NELL2: variants seen among roughly 807,000 people sequenced by gnomAD.
NELL2 encodes neural EGFL like 2.
A neutral mutation model predicts 109.6 loss-of-function variants in NELL2; 41 were observed. The observed-to-expected ratio is 0.37, with a 90% confidence interval of 0.29 to 0.49. The LOEUF is 0.49. Ranked by LOEUF, NELL2 falls within the 20% of genes least tolerant of loss-of-function variation. The pLI, the probability that NELL2 is intolerant of heterozygous loss-of-function variation, is 0.98. For synonymous variants in NELL2, 355 were observed against 344.7 expected (o/e 1.03, Z -0.33); for missense variants, 900 against 1,008.3 (o/e 0.89, Z 1.45).
chr12:44,650,977 T>C (rs1277264061), intron 13 of NELL2, among the ~76,000 whole-genome samples: 1 of 152,228 alleles, frequency 6.6e-6, no homozygotes, highest in Admixed American at 6.5e-5. Context: ...CGTGGACTGG[T>C]ACCAGTCTGT....
intron 3 of NELL2, among the ~76,000 whole-genome samples, chr12:44,796,711 A>G (rs924268689): frequency 6.6e-6 from 1 of 152,154 alleles, no homozygotes; most frequent in African/African-American, 2.4e-5. Context: ...TGAGGATAAC[A>G]AAACTTTTTC....
At chr12:44,707,026 G>GA (rs1446079126) in intron 11 of NELL2, among the ~76,000 whole-genome samples, 3 of 152,200 alleles carry the variant, frequency 2.0e-5, no homozygotes, top group Non-Finnish European at 4.4e-5. Context: ...AAGAGAAAGA[G>GA]AATACAATAA....
intron 13 of NELL2, among the ~76,000 whole-genome samples, chr12:44,655,051 T>G (rs1241818836): frequency 6.6e-6 from 1 of 152,204 alleles, no homozygotes; most frequent in Non-Finnish European, 1.5e-5. Flanking sequence ...CGGGCATGTA[T>G]AATCCTTTTA....
chr12:44,760,033 T>G (rs1941056499), intron 9 of NELL2, among the ~76,000 whole-genome samples: 1 of 152,224 alleles, frequency 6.6e-6, no homozygotes, highest in Non-Finnish European at 1.5e-5. Flanking sequence ...GGGATTTGTT[T>G]TGGGAAATTT....
At chr12:44,717,380 T>C (rs942564609) in intron 9 of NELL2, among the ~76,000 whole-genome samples, 1 of 152,148 alleles carries the variant, frequency 6.6e-6, no homozygotes, top group African/African-American at 2.4e-5. Context: ...ATGTTAGATA[T>C]TCTCCTAGGT....
At chr12:44,656,769 T>C (rs1947517149) in intron 13 of NELL2, among the ~76,000 whole-genome samples, 1 of 152,226 alleles carries the variant, frequency 6.6e-6, no homozygotes, top group Non-Finnish European at 1.5e-5. Context: ...CCAGTAATTA[T>C]TATGGTACAT....
chr12:44,617,875 C>A (rs1232909436), intron 13 of NELL2, among the ~76,000 whole-genome samples: 1 of 151,950 alleles, frequency 6.6e-6, no homozygotes, highest in Non-Finnish European at 1.5e-5. Context: ...CATTTTAATT[C>A]TGTGGAGAAA....
rs1941926997 is a variant in NELL2, at chr12:44,780,717, T to C, written c.336-695A>G. ...AGGAAGCCTACTAAGGAGTCAGGAG[T>C]TTTATAGTCATCCAGCAGTAATGAA... On this transcript the variant is annotated intron_variant, in intron 3 of 19. Coordinates refer to ENST00000429094, the MANE Select transcript of NELL2 (RefSeq NM_001145108.2). Among the ~76,000 whole-genome samples, 6 of 151,298 alleles carry C rather than the reference T, an allele frequency of 4.0e-5. No individual in the cohort carries two copies. The South Asian group carries it at 1.3e-3, about 32-fold the overall frequency.
At chr12:44,751,031 A>G (rs1020483424) in intron 9 of NELL2, among the ~76,000 whole-genome samples, 1 of 152,190 alleles carries the variant, frequency 6.6e-6, no homozygotes, top group Non-Finnish European at 1.5e-5. Context: ...AAGCTTCTAA[A>G]AGGACCTCAC....
chr12:44,512,168 G>T (rs1941027319), intron 19 of NELL2, among the ~76,000 whole-genome samples: 1 of 152,014 alleles, frequency 6.6e-6, no homozygotes. Context: ...AATGGGCAAA[G>T]GATTTGAACA....
intron 11 of NELL2, among the ~76,000 whole-genome samples, chr12:44,706,421 G>A (rs1352138744): frequency 6.6e-6 from 1 of 152,080 alleles, no homozygotes; most frequent in Non-Finnish European, 1.5e-5. Flanking sequence ...CAGAGTATGG[G>A]TTGGCAACAT....
chr12:44,668,164 G>A (rs1225658144), intron 12 of NELL2, among the ~76,000 whole-genome samples: 1 of 152,096 alleles, frequency 6.6e-6, no homozygotes, highest in East Asian at 1.9e-4. Flanking sequence ...CAGTGCAAGC[G>A]GGTCCCCAGC....
At chr12:44,732,343 C>A (rs58963961) in intron 9 of NELL2, among the ~76,000 whole-genome samples, 11,418 of 151,888 alleles carry the variant, frequency 0.075, 1,390 homozygotes, top group African/African-American at 0.26. Context: ...TACATAAAAC[C>A]GTATGGTTTT....
chr12:44,563,540 T>C (rs1468737157), intron 15 of NELL2, among the ~76,000 whole-genome samples: 3 of 152,170 alleles, frequency 2.0e-5, no homozygotes, highest in Non-Finnish European at 4.4e-5. Context: ...TGGCACCGCT[T>C]AGCTAAAGAG....
At chr12:44,816,160 TAAG>T in intron 2 of NELL2, 24 bp from the exon 3 acceptor site, 1 of 1,551,076 alleles carries the variant, frequency 6.4e-7, no homozygotes, top group Non-Finnish European at 8.7e-7. Flanking sequence ...AAACATATAC[TAAG>T]AATAGTAGAA....
intron 9 of NELL2, among the ~76,000 whole-genome samples, chr12:44,720,030 AC>A (rs11353437): frequency 0.48 from 73,094 of 151,952 alleles, 18,596 homozygotes; most frequent in Non-Finnish European, 0.58. Context: ...CCTGCCTACA[AC>A]CTTTTTTTGT....
intron 9 of NELL2, among the ~76,000 whole-genome samples, chr12:44,748,326 T>A (rs1441613270): frequency 6.6e-6 from 1 of 152,174 alleles, no homozygotes; most frequent in Non-Finnish European, 1.5e-5. Flanking sequence ...GATAGTAGGT[T>A]TGCTTTTCTA....
intron 15 of NELL2, among the ~76,000 whole-genome samples, chr12:44,555,497 T>C (rs1943217464): frequency 1.3e-5 from 2 of 152,300 alleles, no homozygotes; most frequent in South Asian, 4.1e-4. Flanking sequence ...TCATTAGCCA[T>C]GTACCCCAAC....
chr12:44,628,628 A>G (rs1281882648), intron 13 of NELL2, among the ~76,000 whole-genome samples: 1 of 152,166 alleles, frequency 6.6e-6, no homozygotes. Flanking sequence ...GTGAGGCCCT[A>G]TCTGAACACA....
Sources: gnomAD v4.1 joint callset for allele counts (sites outside exome capture counted in the v4.1 genomes callset) on GRCh38, gnomAD v4.1.1 for gene constraint, MANE v1.5 for transcripts, NCBI Gene and HGNC (gene_info 2026-07-23, HGNC 2026-07-21) for gene names.